RORA: variants seen among roughly 807,000 people sequenced by gnomAD.
RORA encodes nuclear receptor ROR-alpha.
A neutral mutation model predicts 69.5 loss-of-function variants in RORA; 7 were observed. The observed-to-expected ratio is 0.10, with a 90% CI of 0.06 to 0.19. The LOEUF (loss-of-function observed/expected upper bound fraction) is 0.19. Among genes scored for constraint, RORA ranks in the 10% least tolerant of loss-of-function variants. The pLI is 1.00. For synonymous variants in RORA, 261 were observed against 240.8 expected, an observed-to-expected ratio of 1.08 and a Z score of -0.78; for missense variants, 457 against 663.0, an observed-to-expected ratio of 0.69 and a Z score of 3.41.
At chr15:61,121,525 C>T (rs975195639) in intron 1 of RORA, among the ~76,000 whole-genome samples, 4 of 152,168 alleles carry the variant, frequency 2.6e-5, no homozygotes, top group African/African-American at 4.8e-5. Flanking sequence ...TAGCTACTTG[C>T]ACGTCTCTTT....
At chr15:60,759,987 A>C (rs2071862771) in intron 1 of RORA, among the ~76,000 whole-genome samples, 1 of 152,138 alleles carries the variant, frequency 6.6e-6, no homozygotes, top group South Asian at 2.1e-4. Context: ...CAGTATTTTA[A>C]ATTTTTTAAA....
chr15:60,830,115 C>A (rs1337291687), intron 1 of RORA, among the ~76,000 whole-genome samples: 1 of 152,220 alleles, frequency 6.6e-6, no homozygotes, highest in Non-Finnish European at 1.5e-5. Context: ...ATATCTACTT[C>A]CATCCATACC....
intron 2 of RORA, among the ~76,000 whole-genome samples, chr15:60,583,190 C>T (rs1020388595): frequency 6.6e-6 from 1 of 152,348 alleles, no homozygotes; most frequent in Middle Eastern, 3.4e-3. Flanking sequence ...TCATCTATCC[C>T]ACCAGACTAG....
chr15:60,748,311 A>C (rs2071676944), intron 1 of RORA, among the ~76,000 whole-genome samples: 1 of 39,344 alleles, frequency 2.5e-5, no homozygotes, highest in South Asian at 1.1e-3. Flanking sequence ...TAATTAGCGA[A>C]AAAAAAAAAA....
Position 61,229,140 on chromosome 15 carries a change from T to C in RORA, c.79A>G (p.Arg27Gly). The change falls in exon 1 of 11, where the codon AGG becomes GGG. Residue 27 changes from arginine to glycine, a missense_variant. By Grantham distance (125) the Arg-to-Gly change is moderately radical. This residue lies in a region of RORA where 119 missense variants were observed against 92.4 expected (regional missense o/e 1.29). Transcript: ENST00000335670. ...SSGADAAAGS[R>G]ETPLNQESAR... ...GATTCCTGGTTCAGCGGGGTCTCCCTGGAGCCGGCGGCCGCGTCCGCGCCG... is the reference window on the plus strand; with the variant it reads ...GATTCCTGGTTCAGCGGGGTCTCCCCGGAGCCGGCGGCCGCGTCCGCGCCG... 1 of 1,542,954 alleles carries C rather than the reference T, an allele frequency of 6.5e-7. No individual in the cohort carries two copies. Among genetic ancestry groups the C allele is most frequent in the Non-Finnish European group, 8.7e-7 (1 of 1,144,942 alleles).
At chr15:61,044,174 G>A (rs1896916274) in intron 1 of RORA, among the ~76,000 whole-genome samples, 1 of 152,176 alleles carries the variant, frequency 6.6e-6, no homozygotes. Context: ...CTGTGCTTGT[G>A]TCCTGAGGTT....
At chr15:60,601,205 A>C (rs1474570130) in intron 2 of RORA, 2 of 152,204 alleles carry the variant, frequency 1.3e-5, no homozygotes, top group South Asian at 4.1e-4. Context: ...CCCTCATAAC[A>C]TCTAGGCATG....
chr15:61,039,507 A>T (rs1188156759), intron 1 of RORA, among the ~76,000 whole-genome samples: 1 of 151,946 alleles, frequency 6.6e-6, no homozygotes, highest in African/African-American at 2.4e-5. Flanking sequence ...CGAGGTCATG[A>T]GTTCGAGGCA....
intron 1 of RORA, among the ~76,000 whole-genome samples, chr15:60,749,755 C>T (rs563874226): frequency 1.1e-4 from 16 of 152,240 alleles, no homozygotes; most frequent in African/African-American, 3.6e-4. Flanking sequence ...GGGCTGGGTG[C>T]GGTGGCTCAT....
intron 1 of RORA, among the ~76,000 whole-genome samples, chr15:60,940,898 G>C (rs1389664067): frequency 6.6e-6 from 1 of 152,194 alleles, no homozygotes; most frequent in Non-Finnish European, 1.5e-5. Context: ...CCGCACTCCA[G>C]CCTGGCAGCA....
chr15:60,643,924 A>G (rs535307224), intron 2 of RORA, among the ~76,000 whole-genome samples: 1 of 152,216 alleles, frequency 6.6e-6, no homozygotes, highest in African/African-American at 2.4e-5. Context: ...CAGCTTGGAC[A>G]GAACCTCGTG....
At position 60,626,193 on chromosome 15, in the gene RORA, C is replaced by T. The variant is rs112625386; in HGVS notation, c.196+52464G>A. Among the ~76,000 whole-genome samples the T allele has an allele frequency of 7.1e-3, 1,077 of 152,272 alleles. 15 individuals carry two copies. Among genetic ancestry groups the T allele is most frequent in the African/African-American group, 0.025 (1,021 of 41,538 alleles). Reference sequence around the variant, plus strand: ...CTGGTGTCTGTTTGAGCTCAACCTCCCCAAACCAGGAAGCCCACAAGCTGC... The same window carrying T: ...CTGGTGTCTGTTTGAGCTCAACCTCTCCAAACCAGGAAGCCCACAAGCTGC... On this transcript the variant is annotated intron_variant, in intron 2 of 10. Coordinates refer to ENST00000335670, the MANE Select transcript of RORA (RefSeq NM_134261.3).
At chr15:60,592,768 CTCG>C in intron 2 of RORA, 1 of 908,298 alleles carries the variant, frequency 1.1e-6, no homozygotes, top group Non-Finnish European at 1.5e-6. Flanking sequence ...GCCCCGGGCC[CTCG>C]CCCGGGCGCC....
chr15:60,802,476 C>G (rs1355104894), intron 1 of RORA, among the ~76,000 whole-genome samples: 1 of 152,178 alleles, frequency 6.6e-6, no homozygotes, highest in Non-Finnish European at 1.5e-5. Context: ...GCCCATCTCT[C>G]TCTTCCCCTG....
At chr15:61,007,004 G>A (rs1894931371) in intron 1 of RORA, among the ~76,000 whole-genome samples, 1 of 151,944 alleles carries the variant, frequency 6.6e-6, no homozygotes, top group Non-Finnish European at 1.5e-5. Context: ...TAATGCATTT[G>A]TGGTTAAGAG....
rs184767210 is a variant in RORA, at chr15:60,744,333, C to T, written c.167-65647G>A. ...CTGACACGGGGGACATGAGGCAGCT[C>T]CATTTCATACAAATTAGATAGAAAC... On this transcript the variant is annotated intron_variant, in intron 1 of 10. Coordinates refer to ENST00000335670, the MANE Select transcript of RORA (RefSeq NM_134261.3). 4.2e-4 allele frequency among the ~76,000 whole-genome samples: 64 copies of T among 152,296 alleles called. No individual in the cohort carries two copies. The East Asian group carries it at 0.012, about 28-fold the overall frequency.
chr15:60,778,676 C>T (rs1261399939), intron 1 of RORA, among the ~76,000 whole-genome samples: 3 of 152,156 alleles, frequency 2.0e-5, no homozygotes, highest in Non-Finnish European at 4.4e-5. Context: ...TAGCGAAAAA[C>T]AGAATTCTCC....
intron 1 of RORA, among the ~76,000 whole-genome samples, chr15:60,882,754 C>T (rs1397972697): frequency 1.3e-5 from 2 of 152,104 alleles, no homozygotes; most frequent in African/African-American, 2.4e-5. Context: ...CTGATTTTCC[C>T]TCCTTGTTCT....
chr15:61,194,941 A>G (rs1162886619), intron 1 of RORA, among the ~76,000 whole-genome samples: 1 of 150,696 alleles, frequency 6.6e-6, no homozygotes, highest in Non-Finnish European at 1.5e-5. Flanking sequence ...AGTCAATGCA[A>G]GTAAAATGAT....
Sources: gnomAD v4.1 joint callset for allele counts (sites outside exome capture counted in the v4.1 genomes callset) on GRCh38, gnomAD v4.1.1 for gene constraint, gnomAD v4.1.1 regional missense constraint, MANE v1.5 for transcripts, NCBI Gene and HGNC (gene_info 2026-07-23, HGNC 2026-07-21) for gene names.